PAN2: variants seen among roughly 807,000 people sequenced by gnomAD.
The protein encoded by PAN2 is PAN2-PAN3 deadenylation complex catalytic subunit PAN2.
In PAN2, 68 loss-of-function variants were observed where a neutral mutation model predicts 133.3. The observed-to-expected ratio is 0.51, with a 90% CI of 0.42 to 0.62. The LOEUF is 0.62. Ranked by LOEUF, PAN2 falls within the 20% of genes least tolerant of loss-of-function variation. The probability of loss-of-function intolerance (pLI) is 0.00; values close to 1 mark genes in which losing one functional copy is unlikely to be tolerated. For missense variants in PAN2, 1,042 were observed against 1,500.5 expected, an observed-to-expected ratio of 0.69 and a Z score of 5.05; for synonymous variants, 462 against 544.6, an observed-to-expected ratio of 0.85 and a Z score of 2.11.
In PAN2 at chr12:56,319,852, G is replaced by C; in HGVS notation, c.2946+12C>G. On this transcript the variant is annotated intron_variant, in intron 21 of 25. Coordinates refer to ENST00000440411, the MANE Select transcript of PAN2 (RefSeq NM_014871.6). The surrounding 1 kb of genome is among the most constrained non-coding windows in gnomAD (Gnocchi z 5.4). Reference sequence around the variant, plus strand: ...TTCTCTTCCAATGCCCCATCCCTTTGGTCTTGGTTACCTCATTAAGGGTGA... The same window carrying C: ...TTCTCTTCCAATGCCCCATCCCTTTCGTCTTGGTTACCTCATTAAGGGTGA... 4 of 1,614,082 alleles carry C rather than the reference G, an allele frequency of 2.5e-6. No homozygotes were observed. The highest frequency in any genetic ancestry group is 3.4e-6 in the Non-Finnish European group (4 of 1,180,008).
rs568995285 is a variant in PAN2 at position 56,321,866 on chromosome 12, A to T, written c.2788+212T>A. On this transcript the variant is annotated intron_variant, in intron 20 of 25. Coordinates refer to ENST00000440411, the MANE Select transcript of PAN2 (RefSeq NM_014871.6). The stretch of plus-strand genomic sequence containing the variant: ...ACTGCATCTCAAAAAAAAAAAAAAA[A>T]TTTTTTTTCAAAGAGATGGGATCTT... Among the ~76,000 whole-genome samples, 204 of 151,306 alleles carry T rather than the reference A, an allele frequency of 1.3e-3. 3 individuals are homozygous for T. Among genetic ancestry groups the T allele is most frequent in the Middle Eastern group, 3.4e-3 (1 of 294 alleles).
chr12:56,321,664 C>T (rs1243477523), intron 20 of PAN2, among the ~76,000 whole-genome samples: 1 of 151,160 alleles, frequency 6.6e-6, no homozygotes, highest in Non-Finnish European at 1.5e-5. Context: ...GCCTGACCAA[C>T]ATGGTGAAAC....
intron 19 of PAN2, 98 bp from the exon 20 acceptor site, chr12:56,322,266 T>C: frequency 9.4e-7 from 1 of 1,063,304 alleles, no homozygotes; most frequent in Non-Finnish European, 1.4e-6. Flanking sequence ...AGTTTTTGTT[T>C]TTTTTCAGGT....
At chr12:56,323,680 A>G (rs1874810627) in intron 14 of PAN2, 82 bp from the exon 15 acceptor site, 2 of 1,467,468 alleles carry the variant, frequency 1.4e-6, no homozygotes, top group Non-Finnish European at 1.9e-6. Context: ...TGCGTCTTCA[A>G]ACTGGGATTC....
rs377276536 is a variant in PAN2 at position 56,319,072 on chromosome 12, A to T, written c.3364+16T>A. 1.9e-6 allele frequency: 3 copies of T among 1,613,230 alleles called. No homozygotes were observed. Among genetic ancestry groups the T allele is most frequent in the Non-Finnish European group, 2.5e-6 (3 of 1,179,292 alleles). ...GCTATTAATGTAGCAGGGGCCTACAAGGCAGAGCAACTCACCCAGAAAGTA... is the reference window on the plus strand; with the variant it reads ...GCTATTAATGTAGCAGGGGCCTACATGGCAGAGCAACTCACCCAGAAAGTA... On this transcript the variant is annotated intron_variant, in intron 24 of 25. Transcript: ENST00000440411. This position sits in a 1 kb window ranked among gnomAD's most constrained non-coding sequence, Gnocchi z 5.4.
Position 56,323,055 on chromosome 12 carries a change from C to G in PAN2, c.2493+7G>C. ...ATTCCCTTTCCTCTTCCCGGTTTTT[C>G]AACAACCTGCATCTCATCCCCATCA... On this transcript the variant is annotated splice_region_variant and intron_variant, in intron 17 of 25. Coordinates refer to ENST00000440411, the MANE Select transcript of PAN2 (RefSeq NM_014871.6). The G allele has an allele frequency of 6.2e-7, 1 of 1,613,918 alleles. No homozygotes were observed. The highest frequency in any genetic ancestry group is 8.5e-7 in the Non-Finnish European group (1 of 1,180,032).
Position 56,332,961 on chromosome 12 carries a change from G to T in PAN2, c.134C>A (p.Ala45Asp). 1.2e-6 allele frequency: 2 copies of T among 1,614,150 alleles called. No homozygotes were observed. The highest frequency in any genetic ancestry group is 1.7e-6 in the Non-Finnish European group (2 of 1,180,020). Residue 45 changes from alanine to aspartate, a missense_variant, in exon 2 of 26, where the codon GCC becomes GAC. Ala to Asp is a moderately radical substitution (Grantham distance 126). Coordinates refer to ENST00000440411, the MANE Select transcript of PAN2 (RefSeq NM_014871.6). ...TTCCTGGACGGGAAGAGCCTCCAAG[G>T]CCACTCCCTCTGGGTCCAGCTCCAC... Reference protein sequence around the residue: ...QNVELDPEGVALEALPVQESV... With the variant: ...QNVELDPEGVDLEALPVQESV...
rs1224113933 is a variant in PAN2 at position 56,322,676 on chromosome 12, C to T, written c.2576G>A (p.Arg859His). 5.6e-6 allele frequency: 9 copies of T among 1,614,166 alleles called. No individual in the cohort carries two copies. The highest frequency in any genetic ancestry group is 3.3e-5 in the South Asian group (3 of 91,074). ...MATVVHILDSRTGGSLVAHIK... is the reference protein window; with the variant it reads ...MATVVHILDSHTGGSLVAHIK... ...GTGAGCCACCAGGCTGCCCCCTGTG[C>T]GTGAGTCCAGGATGTGTACCACAGT... Residue 859 changes from arginine (R) to histidine (H), a missense_variant, in exon 18 of 26, where the codon CGC (arginine) becomes CAC (histidine). By Grantham distance (29) the Arg-to-His change is conservative. Coordinates refer to ENST00000440411, the MANE Select transcript of PAN2 (RefSeq NM_014871.6).
intron 2 of PAN2, among the ~76,000 whole-genome samples, chr12:56,330,353 CTTTT>C (rs10525866): frequency 2.2e-5 from 2 of 92,622 alleles, no homozygotes; most frequent in Non-Finnish European, 3.9e-5. Context: ...CTGTATTTTT[CTTTT>C]TTTTTTTTTT....
chr12:56,318,170 C>G, intron 25 of PAN2, 67 bp downstream of exon 25: 2 of 1,344,834 alleles, frequency 1.5e-6, no homozygotes, highest in South Asian at 2.4e-5. Context: ...GAGTGAGACC[C>G]TGTCACAAAC....
chr12:56,326,903 C>T lies in PAN2; in HGVS notation c.976G>A (p.Val326Met), dbSNP rs144023820. 3.1e-4 allele frequency: 497 copies of T among 1,614,112 alleles called. 1 individual carries two copies. Among genetic ancestry groups the T allele is most frequent in the Non-Finnish European group, 3.6e-4 (422 of 1,180,052 alleles). ...GLANPADIFHVNPVGPLLMTF... is the reference protein window; with the variant it reads ...GLANPADIFHMNPVGPLLMTF... ...ATTAGCAGAGGCCCCACAGGATTCACATGAAAGATATCGGCTGGGTTGGCC... is the reference window on the plus strand; with the variant it reads ...ATTAGCAGAGGCCCCACAGGATTCATATGAAAGATATCGGCTGGGTTGGCC... Residue 326 changes from valine (V) to methionine (M), a missense_variant, in exon 7 of 26, where the codon GTG becomes ATG. Physicochemically the swap from Val to Met is conservative, Grantham distance 21. This residue lies in a region of PAN2 where 908 missense variants were observed against 1,223.5 expected (regional missense o/e 0.74). Coordinates refer to ENST00000440411, the MANE Select transcript of PAN2 (RefSeq NM_014871.6).
rs772592818 is a variant in PAN2, at chr12:56,326,595, T to C, written c.1262+22A>G. 8.8e-6 allele frequency: 14 copies of C among 1,594,592 alleles called. No homozygotes were observed. The African/African-American group carries it at 1.9e-4, about 21-fold the overall frequency. ...CCCTTTCCCTGTCCCTCCCGCCTTT[T>C]GGCCCAGAGGTAGGGTACAACCTGG... On this transcript the variant is annotated intron_variant, in intron 7 of 25. Coordinates refer to ENST00000440411, the MANE Select transcript of PAN2 (RefSeq NM_014871.6).
chr12:56,330,353 CTTTTTT>C (rs10525866), intron 2 of PAN2, among the ~76,000 whole-genome samples: 468 of 92,626 alleles, frequency 5.1e-3, no homozygotes, highest in Middle Eastern at 0.013. Context: ...CTGTATTTTT[CTTTTTT>C]TTTTTTTTTT....
At position 56,324,591 on chromosome 12, in the gene PAN2, TCAC is replaced by T. The variant is rs2135971952; in HGVS notation, c.1715_1717del (p.Gly572del). ...TCTCCAAGTACTGACCTGGCAAGGG[TCAC>T]CACGAGAGAGGTCCAACATGTGAAA... is the stretch of plus-strand genomic sequence containing the variant. On this transcript the variant is annotated inframe_deletion, in exon 11 of 26. Coordinates refer to ENST00000440411, the MANE Select transcript of PAN2 (RefSeq NM_014871.6). 1.9e-6 allele frequency: 3 copies of T among 1,613,794 alleles called. No individual in the cohort carries two copies. The highest frequency in any genetic ancestry group is 2.5e-6 in the Non-Finnish European group (3 of 1,179,882).
Position 56,319,102 on chromosome 12 carries a change from G to A in PAN2, c.3350C>T (p.Ala1117Val). 1 of 1,614,102 alleles carries A rather than the reference G, an allele frequency of 6.2e-7. No homozygotes were observed. Among genetic ancestry groups the A allele is most frequent in the Non-Finnish European group, 8.5e-7 (1 of 1,180,000 alleles). The change falls in exon 24 of 26, where the codon GCT becomes GTT. Residue 1117 changes from alanine to valine, a missense_variant. Transcript: ENST00000440411. The surrounding 1 kb of genome is among the most constrained non-coding windows in gnomAD (Gnocchi z 5.4). Reference sequence around the variant, plus strand: ...GAGCAACTCACCCAGAAAGTACCAAGCAAGGAATCGCAGGGAAATCATTCG... The same window carrying A: ...GAGCAACTCACCCAGAAAGTACCAAACAAGGAATCGCAGGGAAATCATTCG... ...RKRMISLRFL[A>V]WYFLDLKIQG... is the part of the protein sequence containing the mutation.
rs147451659 is a variant in PAN2, at chr12:56,324,685, G to A, written c.1624C>T (p.Arg542Cys). 3.0e-5 allele frequency: 48 copies of A among 1,613,960 alleles called. No homozygotes were observed. The highest frequency in any genetic ancestry group is 2.3e-4 in the South Asian group (21 of 91,048). Residue 542 changes from arginine to cysteine, a missense_variant, in exon 11 of 26, where the codon CGC becomes TGC. Arg to Cys is a radical substitution (Grantham distance 180). Coordinates refer to ENST00000440411, the MANE Select transcript of PAN2 (RefSeq NM_014871.6). ...IQVLYFLEPV[R>C]CLIQNHLCQK... is the part of the protein sequence containing the mutation. The stretch of plus-strand genomic sequence containing the variant: ...CAAAGGTGGTTTTGAATTAGACAGC[G>A]TACAGGCTCCAGGAAATAGAGCACC...
At chr12:56,332,310 G>A (rs557064333) in intron 2 of PAN2, among the ~76,000 whole-genome samples, 44 of 152,258 alleles carry the variant, frequency 2.9e-4, no homozygotes, top group African/African-American at 9.1e-4. Context: ...TGTGACAAAA[G>A]TGGGATGCTG....
chr12:56,325,018 G>A lies in PAN2; in HGVS notation c.1590C>T (p.Cys530=). ...AATACCCAACCCTTACCTGGATCATGCAGTTACAGTAGGCGTTGGGAATGT... is the reference window on the plus strand; with the variant it reads ...AATACCCAACCCTTACCTGGATCATACAGTTACAGTAGGCGTTGGGAATGT... ...EPHIPNAYCN[C]MIQVLYFLEP... The change falls in exon 10 of 26, where the codon TGC becomes TGT. Residue 530 remains cysteine (C), a synonymous_variant. Coordinates refer to ENST00000440411, the MANE Select transcript of PAN2 (RefSeq NM_014871.6). The A allele has an allele frequency of 6.2e-7, 1 of 1,614,080 alleles. No individual in the cohort carries two copies. The highest frequency in any genetic ancestry group is 8.5e-7 in the Non-Finnish European group (1 of 1,179,982).
Position 56,324,626 on chromosome 12 carries a change from G to T in PAN2, c.1683C>A (p.Gly561=). 1 of 1,614,226 alleles carries T rather than the reference G, an allele frequency of 6.2e-7. No homozygotes were observed. Among genetic ancestry groups the T allele is most frequent in the Non-Finnish European group, 8.5e-7 (1 of 1,180,040 alleles). Residue 561 remains glycine (G), a synonymous_variant, in exon 11 of 26, where the codon GGC becomes GGA. Transcript: ENST00000440411. ...AGAGGTCCAACATGTGAAACAGGAAGCCCAGCTCACATGCCAGACAGAACT... is the reference window on the plus strand; with the variant it reads ...AGAGGTCCAACATGTGAAACAGGAATCCCAGCTCACATGCCAGACAGAACT... ...QKEFCLACEL[G]FLFHMLDLSR...
Sources: gnomAD v4.1 joint callset for allele counts (sites outside exome capture counted in the v4.1 genomes callset) on GRCh38, gnomAD v4.1.1 for gene constraint, gnomAD v4.1.1 regional missense constraint, Gnocchi (gnomAD v3.1) non-coding constraint, MANE v1.5 for transcripts, NCBI Gene and HGNC (gene_info 2026-07-23, HGNC 2026-07-21) for gene names.